Variants in TLN2 observed in about 807,000 individuals in gnomAD.
TLN2 encodes talin 2.
Under a neutral mutation model 294.7 loss-of-function variants are expected in TLN2, and 118 were observed. That is an observed-to-expected ratio of 0.40 (90% CI 0.34 to 0.47). The LOEUF (loss-of-function observed/expected upper bound fraction) is 0.47, where lower values mean the gene tolerates loss of function less well. TLN2 is among the 20% of genes least tolerant of loss of function. The pLI, the probability that TLN2 is intolerant of heterozygous loss-of-function variation, is 0.84. For missense variants in TLN2, 3,083 were observed against 3,282.2 expected (o/e 0.94, Z 1.48); for synonymous variants, 1,431 against 1,304.5 (o/e 1.10, Z -2.09).
Position 62,842,932 on chromosome 15 carries a change from G to A in TLN2, c.*2322G>A, listed in dbSNP as rs950113045. The A allele has an allele frequency of 1.3e-5, 2 of 152,188 alleles. No homozygotes were observed. Among genetic ancestry groups the A allele is most frequent in the African/African-American group, 2.4e-5 (1 of 41,440 alleles). The allele number at this position is 152,188 out of a possible 1,614,324, so 9.4% of individuals were successfully genotyped here. On this transcript the variant is annotated 3_prime_UTR_variant, in exon 59 of 59. Coordinates refer to ENST00000636159, the MANE Select transcript of TLN2 (RefSeq NM_015059.3). ...GTGTATGTGAACGGCTTCGTGGCCG[G>A]TGTGGTGGTTTCTCATTTCATAAGA... is the stretch of plus-strand genomic sequence containing the variant.
intron 43 of TLN2, among the ~76,000 whole-genome samples, chr15:62,779,506 T>G (rs541390892): frequency 2.6e-5 from 4 of 152,330 alleles, no homozygotes; most frequent in African/African-American, 9.6e-5. Flanking sequence ...TAAATGAAAT[T>G]GAAATCCTAG....
chr15:62,613,982 G>A (rs2140832983), intron 2 of TLN2, among the ~76,000 whole-genome samples: 1 of 152,276 alleles, frequency 6.6e-6, no homozygotes, highest in East Asian at 1.9e-4. Flanking sequence ...AGAGTTGAGG[G>A]GGACCTGATT....
intron 54 of TLN2, 46 bp downstream of exon 54, chr15:62,820,656 C>G (rs2067484707): frequency 1.3e-6 from 2 of 1,592,240 alleles, no homozygotes; most frequent in Middle Eastern, 1.8e-4. Context: ...GTGGGTTCTT[C>G]CAGTGGGTGG....
intron 1 of TLN2, among the ~76,000 whole-genome samples, chr15:62,393,209 TTTAAG>T (rs889700698): frequency 7.2e-5 from 11 of 152,152 alleles, no homozygotes; most frequent in African/African-American, 2.7e-4. Context: ...TTTGTAACCA[TTTAAG>T]TTATCAGGGA....
chr15:62,594,945 A>G (rs1276013213), intron 2 of TLN2, among the ~76,000 whole-genome samples: 1 of 152,252 alleles, frequency 6.6e-6, no homozygotes, highest in African/African-American at 2.4e-5. Context: ...AACTCAAACA[A>G]TAGTAAGAAA....
Position 62,763,656 on chromosome 15 carries a change from C to T in TLN2, c.5055C>T (p.Val1685=). The change falls in exon 40 of 59, where the codon GTC becomes GTT. Residue 1685 remains valine, a synonymous_variant. Coordinates refer to ENST00000636159, the MANE Select transcript of TLN2 (RefSeq NM_015059.3). ...RDIEQASLAA[V]SQSLATRDDI... The stretch of plus-strand genomic sequence containing the variant: ...TCGAGCAGGCCTCGCTGGCCGCCGT[C>T]AGCCAGAGCCTGGCCACGAGGGACG... 1 of 1,612,910 alleles carries T rather than the reference C, an allele frequency of 6.2e-7. No homozygotes were observed. Among genetic ancestry groups the T allele is most frequent in the Non-Finnish European group, 8.5e-7 (1 of 1,179,658 alleles).
intron 1 of TLN2, among the ~76,000 whole-genome samples, chr15:62,394,192 CCTGT>C (rs1371707826): frequency 6.6e-6 from 1 of 152,094 alleles, no homozygotes; most frequent in Admixed American, 6.5e-5. Flanking sequence ...TGGAAAGTTG[CCTGT>C]CTGTTTACCA....
At chr15:62,604,450 G>A (rs1202602068) in intron 2 of TLN2, among the ~76,000 whole-genome samples, 1 of 144,656 alleles carries the variant, frequency 6.9e-6, no homozygotes, top group African/African-American at 2.5e-5. Flanking sequence ...GACTGAGGTA[G>A]AAGATTTGAT....
chr15:62,629,379 C>T (rs1035214273), intron 3 of TLN2, among the ~76,000 whole-genome samples: 1 of 152,128 alleles, frequency 6.6e-6, no homozygotes, highest in African/African-American at 2.4e-5. Context: ...TCCATGTCAG[C>T]CATCTGTGAC....
At chr15:62,694,264 A>G (rs2058162344) in intron 13 of TLN2, 52 bp from the exon 14 acceptor site, 2 of 1,551,066 alleles carry the variant, frequency 1.3e-6, no homozygotes, top group East Asian at 4.5e-5. Context: ...GGCGTGAGCC[A>G]CCGCGCGTGG....
intron 1 of TLN2, among the ~76,000 whole-genome samples, chr15:62,549,036 C>A (rs2042143833): frequency 6.6e-6 from 1 of 152,248 alleles, no homozygotes; most frequent in South Asian, 2.1e-4. Flanking sequence ...CAGAAAAGTT[C>A]TTTGGTAGCT....
intron 41 of TLN2, 25 bp downstream of exon 41, chr15:62,766,447 C>T (rs758543310): frequency 1.0e-5 from 16 of 1,583,282 alleles, no homozygotes; most frequent in Admixed American, 1.7e-5. Flanking sequence ...GGGGATCCTG[C>T]GAGGGTGTGC....
chr15:62,504,706 TC>T (rs1469143280), intron 1 of TLN2, among the ~76,000 whole-genome samples: 2 of 152,270 alleles, frequency 1.3e-5, no homozygotes, highest in Admixed American at 6.5e-5. Context: ...AAGTAAAACT[TC>T]CAGTAGTTCC....
Position 62,833,614 on chromosome 15 carries a change from G to A in TLN2, c.7113G>A (p.Leu2371=). Residue 2371 remains leucine (L), a synonymous_variant, in exon 55 of 59, where the codon CTG becomes CTA. Coordinates refer to ENST00000636159, the MANE Select transcript of TLN2 (RefSeq NM_015059.3). The stretch of plus-strand genomic sequence containing the variant: ...CGGCCTCAGCAGCCCAGAGGGAGCT[G>A]GTGGCCCAAGGAAAGGTGGGTAAAG... ...VKSASAAQRE[L]VAQGKVGSIP... 6.2e-7 allele frequency: 1 copy of A among 1,614,020 alleles called. No homozygotes were observed. The highest frequency in any genetic ancestry group is 8.5e-7 in the Non-Finnish European group (1 of 1,179,976).
chr15:62,606,011 AGT>A (rs985430572), intron 2 of TLN2, among the ~76,000 whole-genome samples: 1 of 152,216 alleles, frequency 6.6e-6, no homozygotes, highest in Non-Finnish European at 1.5e-5. Context: ...CTAGTTAAGT[AGT>A]GTTAGTCGAT....
At chr15:62,776,684 T>G in intron 42 of TLN2, 80 bp from the exon 43 acceptor site, 1 of 1,277,862 alleles carries the variant, frequency 7.8e-7, no homozygotes, top group Non-Finnish European at 1.0e-6. Context: ...GGTTTTATAT[T>G]CTACTTTTGA....
At position 62,722,498 on chromosome 15, in the gene TLN2, C is replaced by T. The variant is rs191515270; in HGVS notation, c.3126+11C>T. ...ACCGCCTCGCAGAAGGCAAGTGGAG[C>T]GTGTCATAGGGGTTAACTTGTCAGG... is the stretch of plus-strand genomic sequence containing the variant. On this transcript the variant is annotated intron_variant, in intron 26 of 58. Coordinates refer to ENST00000636159, the MANE Select transcript of TLN2 (RefSeq NM_015059.3). 5,057 of 1,606,240 alleles carry T rather than the reference C, an allele frequency of 3.1e-3. 14 individuals carry two copies. Among genetic ancestry groups the T allele is most frequent in the Non-Finnish European group, 3.6e-3 (4,213 of 1,175,856 alleles).
chr15:62,423,647 C>G (rs1279172302), intron 1 of TLN2, among the ~76,000 whole-genome samples: 2 of 151,570 alleles, frequency 1.3e-5, no homozygotes, highest in Admixed American at 1.3e-4. Flanking sequence ...GTGGCATGAT[C>G]TCGGCTCACT....
intron 1 of TLN2, among the ~76,000 whole-genome samples, chr15:62,535,906 A>G (rs192785658): frequency 3.9e-5 from 6 of 152,332 alleles, no homozygotes; most frequent in African/African-American, 1.2e-4. Flanking sequence ...ATGTGTGTGT[A>G]TGAACCGTTC....
Sources: gnomAD v4.1 joint callset for allele counts (sites outside exome capture counted in the v4.1 genomes callset) on GRCh38, gnomAD v4.1.1 for gene constraint, MANE v1.5 for transcripts, NCBI Gene and HGNC (gene_info 2026-07-23, HGNC 2026-07-21) for gene names.